Variants in REG1B observed in about 807,000 individuals in gnomAD.
The protein encoded by REG1B is lithostathine-1-beta.
A neutral mutation model predicts 20.4 loss-of-function variants in REG1B; 21 were observed. That is an observed-to-expected ratio of 1.03 (90% confidence interval 0.73 to 1.48). The LOEUF (loss-of-function observed/expected upper bound fraction) is 1.48. Ranked by LOEUF, REG1B falls within the 40% of genes most tolerant of loss-of-function variation. REG1B has a pLI of 0.00. For missense variants in REG1B, 247 were observed against 197.2 expected (o/e 1.25, Z -1.51); for synonymous variants, 82 against 73.4 (o/e 1.12, Z -0.60).
rs1329925438 is a variant in REG1B at position 79,085,167 on chromosome 2, T to A, written c.*49A>T. On this transcript the variant is annotated 3_prime_UTR_variant, in exon 6 of 6. Coordinates refer to ENST00000305089, the MANE Select transcript of REG1B (RefSeq NM_006507.4). Reference sequence around the variant, plus strand: ...GACATAGTCTAGTTTAATTTTTGACTTCATAGTAATTGCAGGACCAGTTCT... The same window carrying A: ...GACATAGTCTAGTTTAATTTTTGACATCATAGTAATTGCAGGACCAGTTCT... The A allele has an allele frequency of 3.7e-6, 5 of 1,368,582 alleles. No homozygotes were observed. In the East Asian group the frequency reaches 1.1e-4, roughly 31 times the overall value. 84.8% of individuals were successfully genotyped at this position (1,368,582 alleles called of 1,614,324 possible). A position where few individuals can be genotyped will look rare whatever the true frequency, so the allele number is the denominator to read the frequency against.
rs557572155 is a variant in REG1B at position 79,085,539 on chromosome 2, G to A, written c.386C>T (p.Pro129Leu). 81 of 1,613,652 alleles carry A rather than the reference G, an allele frequency of 5.0e-5. 1 individual carries two copies. The highest frequency in any genetic ancestry group is 1.6e-4 in the South Asian group (15 of 91,068). Residue 129 changes from proline to leucine, a missense_variant, in exon 5 of 6, where the codon CCG (proline) becomes CTG (leucine). Pro to Leu is a moderately conservative substitution (Grantham distance 98). Transcript: ENST00000305089. ...VSYKSWDTGS[P>L]SSANAGYCAS... ...ACAGTAGCCAGCATTAGCACTGCTC[G>A]GGGATCCAGTGTCCCAGGACTTGTA... is the stretch of plus-strand genomic sequence containing the variant.
chr2:79,086,293 C>T (rs575807804), intron 4 of REG1B, 74 bp downstream of exon 4: 33 of 1,473,698 alleles, frequency 2.2e-5, no homozygotes, highest in Admixed American at 5.6e-5. Context: ...TTGGTGATTG[C>T]GGTGCCAGAC....
chr2:79,087,180 C>A (rs1672412807), intron 2 of REG1B: 10 of 540,748 alleles, frequency 1.8e-5, no homozygotes, highest in South Asian at 9.9e-5. Flanking sequence ...GAGGCTGAGG[C>A]TTCTGCCTTT....
In REG1B at chr2:79,086,336, T is replaced by C. The variant is rs762187381; in HGVS notation, c.321+31A>G. The C allele has an allele frequency of 3.7e-6, 6 of 1,612,844 alleles. No homozygotes were observed. The East Asian group carries it at 1.1e-4, about 30-fold the overall frequency. On this transcript the variant is annotated intron_variant, in intron 4 of 5. Transcript: ENST00000305089. ...GTCCCTCTTACCTCTCAAAAATGTT[T>C]ATAAGGAGATAGAGGTGGCTGCAGA...
In REG1B at chr2:79,086,469, C is replaced by T. The variant is rs762826479; in HGVS notation, c.219G>A (p.Val73=). The stretch of plus-strand genomic sequence containing the variant: ...CACCCTCCGCCTGGGTGAGCACAGA[C>T]ACCAGGTTGCCTGAATTCATGTTCT... ...YCQNMNSGNL[V]SVLTQAEGAF... The change falls in exon 4 of 6, where the codon GTG becomes GTA. Residue 73 remains valine, a synonymous_variant. Coordinates refer to ENST00000305089, the MANE Select transcript of REG1B (RefSeq NM_006507.4). 10 of 1,613,906 alleles carry T rather than the reference C, an allele frequency of 6.2e-6. No individual in the cohort carries two copies. In the Admixed American group the frequency reaches 6.7e-5, roughly 11 times the overall value.
At position 79,085,202 on chromosome 2, in the gene REG1B, T is replaced by C. The variant is rs753749795; in HGVS notation, c.*14A>G. The C allele has an allele frequency of 6.2e-7, 1 of 1,600,274 alleles. No homozygotes were observed. The highest frequency in any genetic ancestry group is 1.7e-5 in the Admixed American group (1 of 59,956). ...TTGCAGGACCAGTTCTAGACATCCA[T>C]TTTTCAGCTTCCTCTAGTTTTTGAA... On this transcript the variant is annotated 3_prime_UTR_variant, in exon 6 of 6. Transcript: ENST00000305089.
rs1259061135 is a variant in REG1B at position 79,085,928 on chromosome 2, G to A, written c.322-325C>T. 3 of 265,340 alleles carry A rather than the reference G, an allele frequency of 1.1e-5. No individual in the cohort carries two copies. In the East Asian group the frequency reaches 2.6e-4, roughly 23 times the overall value. 16.4% of individuals were successfully genotyped at this position (265,340 alleles called of 1,614,324 possible). On this transcript the variant is annotated intron_variant, in intron 4 of 5. Transcript: ENST00000305089. ...CCAGCATAACATTGGCTGTAGAGTAGTCGTTGATATATTATTTAGTTTATA... is the reference window on the plus strand; with the variant it reads ...CCAGCATAACATTGGCTGTAGAGTAATCGTTGATATATTATTTAGTTTATA...
chr2:79,085,183 G>A lies in REG1B; in HGVS notation c.*33C>T, dbSNP rs771709894. ...ATTTTTGACTTCATAGTAATTGCAG[G>A]ACCAGTTCTAGACATCCATTTTTCA... On this transcript the variant is annotated 3_prime_UTR_variant, in exon 6 of 6. Coordinates refer to ENST00000305089, the MANE Select transcript of REG1B (RefSeq NM_006507.4). 4.0e-6 allele frequency: 6 copies of A among 1,516,090 alleles called. No individual in the cohort carries two copies. The highest frequency in any genetic ancestry group is 2.3e-5 in the East Asian group (1 of 44,400). The allele number at this position is 1,516,090 out of a possible 1,614,324, so 93.9% of individuals were successfully genotyped here.
At position 79,086,812 on chromosome 2, in the gene REG1B, A is replaced by T. The variant is rs1181333640; in HGVS notation, c.183T>A (p.Asp61Glu). Residue 61 changes from aspartate (D) to glutamate (E), a missense_variant and splice_region_variant, in exon 3 of 6, where the codon GAT becomes GAA. Asp to Glu is a conservative substitution (Grantham distance 45). Coordinates refer to ENST00000305089, the MANE Select transcript of REG1B (RefSeq NM_006507.4). ...TTCCCCTGCTGCTCTCCTCACTCAC[A>T]TCTGCATCAACCCAGGTCTCAGGGT... Reference protein sequence around the residue: ...NEDPETWVDADLYCQNMNSGN... With the variant: ...NEDPETWVDAELYCQNMNSGN... 1 of 1,613,398 alleles carries T rather than the reference A, an allele frequency of 6.2e-7. No individual in the cohort carries two copies. Among genetic ancestry groups the T allele is most frequent in the African/African-American group, 1.3e-5 (1 of 74,978 alleles).
rs1215286515 is a variant in REG1B, at chr2:79,085,333, C to T, written c.434-50G>A. On this transcript the variant is annotated intron_variant, in intron 5 of 5. Coordinates refer to ENST00000305089, the MANE Select transcript of REG1B (RefSeq NM_006507.4). ...ACATAGAGGATCAGAAGGAGTGTAGCCCCTCCTCAACCTAGGACTCAGAAC... is the reference window on the plus strand; with the variant it reads ...ACATAGAGGATCAGAAGGAGTGTAGTCCCTCCTCAACCTAGGACTCAGAAC... The T allele has an allele frequency of 3.4e-6, 5 of 1,457,856 alleles. No homozygotes were observed. The Admixed American group carries it at 5.1e-5, about 15-fold the overall frequency. The allele number at this position is 1,457,856 out of a possible 1,614,324, so 90.3% of individuals were successfully genotyped here. A position where few individuals can be genotyped will look rare whatever the true frequency, so the allele number is the denominator to read the frequency against.
rs748071341 is a variant in REG1B at position 79,086,299 on chromosome 2, C to T, written c.321+68G>A. The stretch of plus-strand genomic sequence containing the variant: ...AGATAAAAGTTGGTGATTGCGGTGC[C>T]AGACCTTAAACGTCCCTCTTACCTC... On this transcript the variant is annotated intron_variant, in intron 4 of 5. Coordinates refer to ENST00000305089, the MANE Select transcript of REG1B (RefSeq NM_006507.4). The T allele has an allele frequency of 4.9e-5, 75 of 1,544,542 alleles. No individual in the cohort carries two copies. In the Middle Eastern group the frequency reaches 6.8e-4, roughly 14 times the overall value.
intron 3 of REG1B, 148 bp downstream of exon 3, chr2:79,086,664 T>C: frequency 7.7e-7 from 1 of 1,301,208 alleles, no homozygotes; most frequent in Non-Finnish European, 1.1e-6. Context: ...TGTCAAATGA[T>C]GGGATAAAGT....
At chr2:79,087,919 CCCACG>C (rs758010726) in intron 1 of REG1B, 35 bp downstream of exon 1, 4 of 284,804 alleles carry the variant, frequency 1.4e-5, no homozygotes, top group Admixed American at 4.7e-5. Flanking sequence ...AAGAGAAAAT[CCCACG>C]TTAGACATGC....
Position 79,086,496 on chromosome 2 carries a change from G to T in REG1B, c.192C>A (p.Cys64Ter). ...PETWVDADLY[C>*]QNMNSGNLVS... ...CCAGGTTGCCTGAATTCATGTTCTG[G>T]CAATAGAGCTGTTGGAGAAGAAAAT... is the stretch of plus-strand genomic sequence containing the variant. The change falls in exon 4 of 6, where the codon TGC becomes TGA. Residue 64 changes from cysteine (C) to a stop codon, truncating the protein, a stop_gained. Coordinates refer to ENST00000305089, the MANE Select transcript of REG1B (RefSeq NM_006507.4). LOFTEE classifies it high-confidence loss of function. 3 of 1,613,626 alleles carry T rather than the reference G, an allele frequency of 1.9e-6. No homozygotes were observed. The highest frequency in any genetic ancestry group is 2.5e-6 in the Non-Finnish European group (3 of 1,179,952).
At chr2:79,086,079 C>G (rs1419747875) in intron 4 of REG1B, 1 of 405,478 alleles carries the variant, frequency 2.5e-6, no homozygotes, top group Non-Finnish European at 4.5e-6. Context: ...TCTTCCAAGA[C>G]AGACAATAGC....
In REG1B at chr2:79,085,477, T is replaced by C; in HGVS notation, c.433+15A>G. On this transcript the variant is annotated intron_variant, in intron 5 of 5. Coordinates refer to ENST00000305089, the MANE Select transcript of REG1B (RefSeq NM_006507.4). Reference sequence around the variant, plus strand: ...AAGGAAATGGCAACAGGTGGATAGATTGTCTGCCTCTCACCTGAGCATGAA... The same window carrying C: ...AAGGAAATGGCAACAGGTGGATAGACTGTCTGCCTCTCACCTGAGCATGAA... The C allele has an allele frequency of 6.3e-7, 1 of 1,593,690 alleles. No homozygotes were observed.
chr2:79,085,224 T>G lies in REG1B; in HGVS notation c.493A>C (p.Lys165Gln). 6.2e-7 allele frequency: 1 copy of G among 1,612,918 alleles called. No homozygotes were observed. The highest frequency in any genetic ancestry group is 1.1e-5 in the South Asian group (1 of 91,068). The change falls in exon 6 of 6, where the codon AAA (lysine) becomes CAA (glutamine). Residue 165 changes from lysine (K) to glutamine (Q), a missense_variant. Lys to Gln is a moderately conservative substitution (Grantham distance 53). Coordinates refer to ENST00000305089, the MANE Select transcript of REG1B (RefSeq NM_006507.4). ...EKKFSFVCKFKN is the reference protein window; with the variant it reads ...EKKFSFVCKFQN ...CCATTTTTCAGCTTCCTCTAGTTTT[T>G]GAACTTGCAAACAAAGGAGAACTTC...
rs955155684 is a variant in REG1B at position 79,086,899 on chromosome 2, G to A, written c.96C>T (p.Pro32=). Residue 32 remains proline, a synonymous_variant, in exon 3 of 6, where the codon CCC becomes CCT. Transcript: ENST00000305089. The stretch of plus-strand genomic sequence containing the variant: ...TGGTGCCTTCTGGGCAGCTGATTCG[G>A]GGATTAGGCAGCTCTGTCTGGGACT... The part of the protein sequence containing the change: ...GQESQTELPN[P]RISCPEGTNA... The A allele has an allele frequency of 6.2e-7, 1 of 1,613,816 alleles. No homozygotes were observed. Among genetic ancestry groups the A allele is most frequent in the African/African-American group, 1.3e-5 (1 of 74,834 alleles).
At position 79,085,529 on chromosome 2, in the gene REG1B, A is replaced by G. The variant is rs778363447; in HGVS notation, c.396T>C (p.Ala132=). 58 of 1,613,774 alleles carry G rather than the reference A, an allele frequency of 3.6e-5. No homozygotes were observed. In the South Asian group the frequency reaches 5.4e-4, roughly 15 times the overall value. ...KSWDTGSPSS[A]NAGYCASLTS... ...TCAGGCTTGCACAGTAGCCAGCATTAGCACTGCTCGGGGATCCAGTGTCCC... is the reference window on the plus strand; with the variant it reads ...TCAGGCTTGCACAGTAGCCAGCATTGGCACTGCTCGGGGATCCAGTGTCCC... Residue 132 remains alanine, a synonymous_variant, in exon 5 of 6, where the codon GCT becomes GCC. Coordinates refer to ENST00000305089, the MANE Select transcript of REG1B (RefSeq NM_006507.4).
Sources: allele counts gnomAD v4.1 joint callset, GRCh38; gene constraint gnomAD v4.1.1; transcripts MANE v1.5; gene names NCBI Gene and HGNC (gene_info 2026-07-23, HGNC 2026-07-21).